Variants in PTPRT observed in about 807,000 individuals in gnomAD.
PTPRT encodes the protein receptor-type tyrosine-protein phosphatase T.
A neutral mutation model predicts 176.8 loss-of-function variants in PTPRT; 56 were observed. The ratio of observed to expected loss-of-function variants is 0.32; its 90% confidence interval spans 0.26 to 0.40. The LOEUF is 0.40. Among genes scored for constraint, PTPRT ranks in the 10% least tolerant of loss-of-function variants. PTPRT has a pLI of 1.00. For synonymous variants in PTPRT, 783 were observed against 739.0 expected (o/e 1.06, Z -0.96); for missense variants, 1,540 against 1,908.2 (o/e 0.81, Z 3.60).
chr20:42,130,235 A>C (rs1020097400), intron 18 of PTPRT, among the ~76,000 whole-genome samples: 1 of 152,218 alleles, frequency 6.6e-6, no homozygotes, highest in Non-Finnish European at 1.5e-5. Context: ...GCCAGATAGA[A>C]GAAAGTGGAG....
intron 1 of PTPRT, among the ~76,000 whole-genome samples, chr20:42,952,106 C>A (rs1303331276): frequency 1.3e-5 from 2 of 152,176 alleles, no homozygotes; most frequent in Admixed American, 6.5e-5. Context: ...AGGGCAGGAT[C>A]ATGTGGCCAC....
chr20:42,758,426 T>C (rs927702066), intron 5 of PTPRT, among the ~76,000 whole-genome samples: 10 of 152,148 alleles, frequency 6.6e-5, no homozygotes, highest in African/African-American at 2.4e-4. Context: ...GCAGTGATCA[T>C]GAAGGCCAGA....
chr20:42,606,818 G>A (rs370627897), intron 7 of PTPRT: 1 of 152,158 alleles, frequency 6.6e-6, no homozygotes, highest in South Asian at 2.1e-4. Context: ...ATTGTGTCCA[G>A]TTGCCACTGA....
intron 7 of PTPRT, among the ~76,000 whole-genome samples, chr20:42,500,534 T>C (rs183105091): frequency 6.6e-6 from 1 of 152,110 alleles, no homozygotes; most frequent in Non-Finnish European, 1.5e-5. Flanking sequence ...GTGACTAGTA[T>C]AACATTGTTT....
At chr20:42,763,220 C>T (rs1253683642) in intron 5 of PTPRT, among the ~76,000 whole-genome samples, 3 of 152,202 alleles carry the variant, frequency 2.0e-5, no homozygotes, top group African/African-American at 7.2e-5. Context: ...AGTGTCATGA[C>T]ATTATTTCCT....
chr20:42,048,882 C>T, the PTPRT span, among the ~76,000 whole-genome samples: 877 of 152,260 alleles, frequency 5.8e-3, 6 homozygotes, highest in African/African-American at 0.02. Flanking sequence ...AGTGCAGTGG[C>T]GCAATCTCGG....
At chr20:43,029,245 A>T (rs1986039514) in intron 1 of PTPRT, among the ~76,000 whole-genome samples, 1 of 152,228 alleles carries the variant, frequency 6.6e-6, no homozygotes, top group Non-Finnish European at 1.5e-5. Flanking sequence ...AGCTCTGAAC[A>T]AGTCACAAGC....
At chr20:42,824,050 A>C (rs2077948591) in intron 2 of PTPRT, among the ~76,000 whole-genome samples, 1 of 152,114 alleles carries the variant, frequency 6.6e-6, no homozygotes, top group African/African-American at 2.4e-5. Context: ...ACTAGGAATC[A>C]ACTTAAACAG....
intron 11 of PTPRT, among the ~76,000 whole-genome samples, chr20:42,325,773 T>C (rs2057872985): frequency 6.6e-6 from 1 of 152,186 alleles, no homozygotes; most frequent in Non-Finnish European, 1.5e-5. Flanking sequence ...GCTCTGACCT[T>C]ACTTAGAGTA....
intron 1 of PTPRT, among the ~76,000 whole-genome samples, chr20:43,147,448 T>C (rs114165947): frequency 6.7e-4 from 102 of 152,292 alleles, no homozygotes; most frequent in African/African-American, 2.3e-3. Flanking sequence ...CAACTCATTC[T>C]ACCTCCCCCA....
chr20:42,865,104 A>G (rs1489838769), intron 2 of PTPRT, among the ~76,000 whole-genome samples: 1 of 152,344 alleles, frequency 6.6e-6, no homozygotes, highest in African/African-American at 2.4e-5. Flanking sequence ...TGTATTGTGA[A>G]GTCTTTTCAT....
the PTPRT span, among the ~76,000 whole-genome samples, chr20:42,041,596 T>C: frequency 6.6e-6 from 1 of 152,242 alleles, no homozygotes; most frequent in East Asian, 1.9e-4. Context: ...GTTCAGAACA[T>C]AGACTTTGAA....
intron 7 of PTPRT, among the ~76,000 whole-genome samples, chr20:42,514,903 T>C (rs1250979098): frequency 2.6e-5 from 4 of 152,212 alleles, no homozygotes; most frequent in Non-Finnish European, 1.5e-5. Flanking sequence ...TAAATCCCTG[T>C]ACTAACTTCA....
At chr20:43,000,553 A>C (rs1429291105) in intron 1 of PTPRT, among the ~76,000 whole-genome samples, 1 of 152,236 alleles carries the variant, frequency 6.6e-6, no homozygotes, top group Non-Finnish European at 1.5e-5. Flanking sequence ...GACATGATAG[A>C]GCTAGGAAAA....
chr20:43,058,156 C>A (rs1383057797), intron 1 of PTPRT, among the ~76,000 whole-genome samples: 20 of 151,962 alleles, frequency 1.3e-4, no homozygotes, highest in Non-Finnish European at 7.4e-5. Context: ...TTTCTTAGTG[C>A]CATATGCCTC....
chr20:42,162,187 C>A (rs1989632006), intron 16 of PTPRT, among the ~76,000 whole-genome samples: 1 of 152,166 alleles, frequency 6.6e-6, no homozygotes, highest in South Asian at 2.1e-4. Flanking sequence ...ATAGTTTCCC[C>A]ATCACTTAAT....
chr20:42,963,275 A>G (rs900524058), intron 1 of PTPRT, among the ~76,000 whole-genome samples: 13 of 151,590 alleles, frequency 8.6e-5, no homozygotes, highest in South Asian at 8.3e-4. Flanking sequence ...AATTCCAGAT[A>G]CTCGGGAGAC....
chr20:42,686,966 G>A (rs2146102668), intron 6 of PTPRT, among the ~76,000 whole-genome samples: 1 of 152,268 alleles, frequency 6.6e-6, no homozygotes, highest in East Asian at 1.9e-4. Context: ...TAACCTCTTT[G>A]TGTCTAAACT....
chr20:43,100,700 C>T (rs750617033), intron 1 of PTPRT, among the ~76,000 whole-genome samples: 3 of 152,150 alleles, frequency 2.0e-5, no homozygotes, highest in Non-Finnish European at 4.4e-5. Context: ...ATGGACCTCA[C>T]AGCCTAATGG....
Sources: gnomAD v4.1 joint callset for allele counts (sites outside exome capture counted in the v4.1 genomes callset) on GRCh38, gnomAD v4.1.1 for gene constraint, MANE v1.5 for transcripts, NCBI Gene and HGNC (gene_info 2026-07-23, HGNC 2026-07-21) for gene names.